Variants in UPF2 observed in about 807,000 individuals in gnomAD.
UPF2 encodes the protein regulator of nonsense transcripts 2.
A neutral mutation model predicts 141.4 loss-of-function variants in UPF2; 17 were observed. The observed-to-expected ratio is 0.12, with a 90% confidence interval of 0.08 to 0.18. UPF2 has a LOEUF of 0.18. Among genes scored for constraint, UPF2 ranks in the 10% least tolerant of loss-of-function variants. UPF2 has a pLI of 1.00. For missense variants in UPF2, 1,152 were observed against 1,515.9 expected (o/e 0.76, Z 3.99); for synonymous variants, 540 against 498.0 (o/e 1.08, Z -1.12).
intron 3 of UPF2, among the ~76,000 whole-genome samples, chr10:12,026,187 T>C (rs1037045952): frequency 1.3e-5 from 2 of 152,152 alleles, no homozygotes; most frequent in African/African-American, 2.4e-5. Context: ...TTAACAGAGA[T>C]ATGCAAGTAC....
intron 15 of UPF2, among the ~76,000 whole-genome samples, chr10:11,948,884 T>G (rs1833038802): frequency 6.6e-6 from 1 of 152,122 alleles, no homozygotes; most frequent in Non-Finnish European, 1.5e-5. Context: ...GCCACACTCT[T>G]TACCAAGTGA....
intron 15 of UPF2, 41 bp from the exon 16 acceptor site, chr10:11,948,549 T>TA: frequency 6.2e-7 from 1 of 1,601,722 alleles, no homozygotes; most frequent in East Asian, 2.2e-5. Context: ...ACATTAAAAA[T>TA]AGACACAGGC....
At chr10:11,934,805 G>A (rs1055852898) in intron 19 of UPF2, among the ~76,000 whole-genome samples, 3 of 152,102 alleles carry the variant, frequency 2.0e-5, no homozygotes, top group Non-Finnish European at 4.4e-5. Context: ...GGTCAGGCTG[G>A]TCTTGAATCC....
At chr10:11,933,931 G>C (rs1832811845) in intron 19 of UPF2, among the ~76,000 whole-genome samples, 1 of 152,158 alleles carries the variant, frequency 6.6e-6, no homozygotes, top group African/African-American at 2.4e-5. Flanking sequence ...GCATTATCTA[G>C]CAGCTGTGCA....
Position 11,971,273 on chromosome 10 carries a change from T to G in UPF2, c.1954-3819A>C, listed in dbSNP as rs899742868. Among the ~76,000 whole-genome samples, 6 of 111,290 alleles carry G rather than the reference T, an allele frequency of 5.4e-5. No individual in the cohort carries two copies. In the Admixed American group the frequency reaches 5.6e-4, roughly 10 times the overall value. The allele number at this position is 111,290 out of a possible 152,430, so 73.0% of individuals were successfully genotyped here. ...TCATTTCTTTCTTTTTTTTTTTTTTTGAGACAGTTTTGCTCTTGTTGCCCA... is the reference window on the plus strand; with the variant it reads ...TCATTTCTTTCTTTTTTTTTTTTTTGGAGACAGTTTTGCTCTTGTTGCCCA... On this transcript the variant is annotated intron_variant, in intron 9 of 21. Coordinates refer to ENST00000357604, the MANE Select transcript of UPF2 (RefSeq NM_015542.4).
Position 12,028,978 on chromosome 10 carries a change from A to T in UPF2, c.912T>A (p.His304Gln). Residue 304 changes from histidine to glutamine, a missense_variant, in exon 3 of 22, where the codon CAT becomes CAA. His to Gln is a conservative substitution (Grantham distance 24, BLOSUM62 0). This residue lies in a region of UPF2 where 739 missense variants were observed against 1,032.2 expected (regional missense o/e 0.72). Transcript: ENST00000357604. ...IINADRESHT[H>Q]VSVVISFCRH... ...GACAGAAACTAATCACTACAGAGAC[A>T]TGAGTGTGGGACTCCCGATCAGCAT... 3 of 1,614,236 alleles carry T rather than the reference A, an allele frequency of 1.9e-6. No individual in the cohort carries two copies. Among genetic ancestry groups the T allele is most frequent in the Non-Finnish European group, 1.7e-6 (2 of 1,180,050 alleles).
At position 11,931,574 on chromosome 10, in the gene UPF2, C is replaced by A. The variant is rs2131153135; in HGVS notation, c.3688+67G>T. On this transcript the variant is annotated intron_variant, in intron 20 of 21. Transcript: ENST00000357604. The surrounding 1 kb of genome is among the most constrained non-coding windows in gnomAD (Gnocchi z 5.9). ...AAAAATATGACATGAGAAGATGAGA[C>A]AAAATAACAATTTTGATGCTCAAAA... 2.7e-6 allele frequency: 4 copies of A among 1,462,614 alleles called. No individual in the cohort carries two copies. The highest frequency in any genetic ancestry group is 1.4e-5 in the African/African-American group (1 of 70,062). The allele number at this position is 1,462,614 out of a possible 1,614,324, so 90.6% of individuals were successfully genotyped here. A position where few individuals can be genotyped will look rare whatever the true frequency, so the allele number is the denominator to read the frequency against.
At chr10:11,941,090 T>C (rs182000963) in intron 18 of UPF2, among the ~76,000 whole-genome samples, 2 of 152,334 alleles carry the variant, frequency 1.3e-5, no homozygotes, top group Non-Finnish European at 1.5e-5. Flanking sequence ...TATATTTGTT[T>C]AGTTGTTAAA....
chr10:11,987,971 C>T (rs936427907), intron 8 of UPF2, among the ~76,000 whole-genome samples: 2 of 152,010 alleles, frequency 1.3e-5, no homozygotes, highest in African/African-American at 2.4e-5. Flanking sequence ...AGTGAAAAGA[C>T]AACTCAGAGG....
At chr10:11,934,685 G>A (rs1832824466) in intron 19 of UPF2, among the ~76,000 whole-genome samples, 1 of 152,202 alleles carries the variant, frequency 6.6e-6, no homozygotes, top group South Asian at 2.1e-4. Context: ...CACCTCCTGG[G>A]TTCAAGTGAT....
chr10:12,013,896 G>C, intron 4 of UPF2, 128 bp downstream of exon 4: 1 of 939,472 alleles, frequency 1.1e-6, no homozygotes, highest in South Asian at 3.8e-5. Context: ...CACCATGCTT[G>C]GCCCATTTTG....
rs1834231783 is a variant in UPF2, at chr10:12,016,925, C to T, written c.1146-2741G>A. Among the ~76,000 whole-genome samples, 1 of 150,562 alleles carries T rather than the reference C, an allele frequency of 6.6e-6. No homozygotes were observed. Among genetic ancestry groups the T allele is most frequent in the Non-Finnish European group, 1.5e-5 (1 of 67,856 alleles). ...ATCCTAGCTCCTTGGGAGGCTGAGG[C>T]AGGAGAATCATTTGAACTCGGAAGG... On this transcript the variant is annotated intron_variant, in intron 3 of 21. Coordinates refer to ENST00000357604, the MANE Select transcript of UPF2 (RefSeq NM_015542.4). The surrounding 1 kb of genome is among the most constrained non-coding windows in gnomAD (Gnocchi z 4.1).
intron 9 of UPF2, among the ~76,000 whole-genome samples, chr10:11,970,001 C>T (rs1167372096): frequency 6.6e-6 from 1 of 152,158 alleles, no homozygotes; most frequent in Non-Finnish European, 1.5e-5. Context: ...TGAAAAATAA[C>T]TGAAAAGCTA....
chr10:12,016,028 G>A lies in UPF2; in HGVS notation c.1146-1844C>T, dbSNP rs974736708. ...CTTCAAACATGTGTTTCAGACTACT[G>A]TTACAAACACAAACAAAATTTTTTC... On this transcript the variant is annotated intron_variant, in intron 3 of 21. Coordinates refer to ENST00000357604, the MANE Select transcript of UPF2 (RefSeq NM_015542.4). The surrounding 1 kb of genome is among the most constrained non-coding windows in gnomAD (Gnocchi z 4.1). 1.3e-5 allele frequency among the ~76,000 whole-genome samples: 2 copies of A among 151,966 alleles called. No individual in the cohort carries two copies. Among genetic ancestry groups the A allele is most frequent in the Admixed American group, 1.3e-4 (2 of 15,256 alleles).
intron 2 of UPF2, 41 bp downstream of exon 2, chr10:12,035,018 T>C: frequency 6.6e-7 from 1 of 1,518,190 alleles, no homozygotes; most frequent in Non-Finnish European, 8.7e-7. Flanking sequence ...ATTCCAATCT[T>C]CCCATTCCCT....
At chr10:12,002,311 A>G (rs553181865) in intron 5 of UPF2, among the ~76,000 whole-genome samples, 32 of 152,308 alleles carry the variant, frequency 2.1e-4, no homozygotes, top group Middle Eastern at 6.8e-3. Flanking sequence ...AACGAAGGCT[A>G]TATCTTCTCT....
intron 3 of UPF2, among the ~76,000 whole-genome samples, chr10:12,020,442 C>T (rs1457890756): frequency 6.6e-6 from 1 of 151,904 alleles, no homozygotes; most frequent in Non-Finnish European, 1.5e-5. Context: ...GTAGAGACAG[C>T]GTTTCTCCAT....
Position 11,955,502 on chromosome 10 carries a change from A to G in UPF2, c.2580T>C (p.Asn860=). 1.2e-6 allele frequency: 2 copies of G among 1,609,628 alleles called. No individual in the cohort carries two copies. Among genetic ancestry groups the G allele is most frequent in the Non-Finnish European group, 1.7e-6 (2 of 1,177,890 alleles). The change falls in exon 14 of 22, where the codon AAT becomes AAC. Residue 860 remains asparagine (N), a synonymous_variant. Coordinates refer to ENST00000357604, the MANE Select transcript of UPF2 (RefSeq NM_015542.4). ...LEDIRLGMEV[N]QPKFNQRRIS... is the part of the protein sequence containing the mutation. The stretch of plus-strand genomic sequence containing the variant: ...TGCGCCTCTGATTAAATTTAGGTTG[A>G]TTAACCTAAAAGGCAACAAAACCAC...
chr10:11,955,129 T>C (rs1194871474), intron 14 of UPF2, 103 bp downstream of exon 14: 25 of 1,113,530 alleles, frequency 2.2e-5, no homozygotes, highest in Non-Finnish European at 2.6e-5. Context: ...TATGAACATA[T>C]ATATAATATA....
Sources: gnomAD v4.1 joint callset for allele counts (sites outside exome capture counted in the v4.1 genomes callset) on GRCh38, gnomAD v4.1.1 for gene constraint, gnomAD v4.1.1 regional missense constraint, Gnocchi (gnomAD v3.1) non-coding constraint, MANE v1.5 for transcripts, NCBI Gene and HGNC (gene_info 2026-07-23, HGNC 2026-07-21) for gene names.